Variants in IFT56 observed in about 807,000 individuals in gnomAD.
The protein encoded by IFT56 is intraflagellar transport protein 56.
chr7:139,139,913 G>C, the IFT56 span: 1 of 1,611,738 alleles, frequency 6.2e-7, no homozygotes, highest in South Asian at 1.1e-5. Flanking sequence ...CTACAAAAGA[G>C]GAAAATTGTA....
At chr7:139,164,523 T>C in the IFT56 span, among the ~76,000 whole-genome samples, 6 of 152,352 alleles carry the variant, frequency 3.9e-5, no homozygotes, top group South Asian at 1.0e-3. Flanking sequence ...TAACTCTTTT[T>C]AATTTAAATG....
chr7:139,152,280 C>T, the IFT56 span, among the ~76,000 whole-genome samples: 1 of 152,182 alleles, frequency 6.6e-6, no homozygotes, highest in Non-Finnish European at 1.5e-5. Flanking sequence ...ACATGCGCCA[C>T]TGTGCCTGGC....
the IFT56 span, among the ~76,000 whole-genome samples, chr7:139,141,584 G>A: frequency 6.6e-6 from 1 of 152,144 alleles, no homozygotes; most frequent in Non-Finnish European, 1.5e-5. Context: ...AGGTGATTGT[G>A]GTAGCTATCT....
the IFT56 span, among the ~76,000 whole-genome samples, chr7:139,147,905 T>C: frequency 3.7e-4 from 56 of 152,358 alleles, no homozygotes; most frequent in African/African-American, 1.3e-3. Flanking sequence ...ATGTGTCTTG[T>C]CTGTTGGTCT....
chr7:139,148,479 A>G, the IFT56 span: 1 of 1,100,490 alleles, frequency 9.1e-7, no homozygotes, highest in South Asian at 1.6e-5. Flanking sequence ...CTCTTGATTA[A>G]TATCCCTTTA....
chr7:139,176,764 T>TTTCA, the IFT56 span, among the ~76,000 whole-genome samples: 2 of 152,176 alleles, frequency 1.3e-5, no homozygotes, highest in African/African-American at 2.4e-5. Flanking sequence ...ATTTTCCCCA[T>TTTCA]TTCATTCATT....
chr7:139,172,427 A>G, the IFT56 span: 1 of 374,624 alleles, frequency 2.7e-6, no homozygotes, highest in Non-Finnish European at 5.1e-6. Context: ...GCTCTGGGTA[A>G]AGACCCACTA....
the IFT56 span, chr7:139,173,470 C>G: frequency 2.3e-5 from 15 of 656,972 alleles, no homozygotes; most frequent in African/African-American, 9.0e-5. Flanking sequence ...CTCAGGTGAT[C>G]CACTCACCTC....
chr7:139,189,285 A>T, the IFT56 span: 1 of 1,454,326 alleles, frequency 6.9e-7, no homozygotes, highest in Middle Eastern at 1.8e-4. Flanking sequence ...TTCATTCTTC[A>T]TTGAAACACT....
the IFT56 span, among the ~76,000 whole-genome samples, chr7:139,150,734 A>G: frequency 5.5e-3 from 836 of 152,342 alleles, 10 homozygotes; most frequent in African/African-American, 0.019. Context: ...TGTCTCACAA[A>G]CACCAATAGC....
chr7:139,190,273 T>G, the IFT56 span: 1 of 152,280 alleles, frequency 6.6e-6, no homozygotes, highest in Non-Finnish European at 1.5e-5. Flanking sequence ...TGAGACGGAG[T>G]CTCGCTCTGT....
At chr7:139,134,711 A>G in the IFT56 span, 22 of 1,614,134 alleles carry the variant, frequency 1.4e-5, no homozygotes, top group South Asian at 8.8e-5. Context: ...CTGACAAAAG[A>G]AAGAAGAAAG....
At chr7:139,163,896 G>C in the IFT56 span, among the ~76,000 whole-genome samples, 1 of 152,210 alleles carries the variant, frequency 6.6e-6, no homozygotes, top group Non-Finnish European at 1.5e-5. Flanking sequence ...AGATTTTGTA[G>C]TTCATGCTGG....
the IFT56 span, chr7:139,172,969 G>T: frequency 2.7e-6 from 2 of 728,074 alleles, no homozygotes; most frequent in South Asian, 2.7e-5. Context: ...CTGGCGCTTG[G>T]GCTGAGGTGA....
At chr7:139,172,706 C>T in the IFT56 span, 78 of 623,400 alleles carry the variant, frequency 1.3e-4, no homozygotes, top group Admixed American at 7.7e-4. Context: ...TACAAACAAT[C>T]GCAGCAAATG....
chr7:139,158,535 G>A, the IFT56 span, among the ~76,000 whole-genome samples: 4 of 152,104 alleles, frequency 2.6e-5, no homozygotes, highest in Non-Finnish European at 4.4e-5. Context: ...TTGAAGTATA[G>A]CATGTTGTAT....
At chr7:139,179,452 C>A in the IFT56 span, 1 of 680,694 alleles carries the variant, frequency 1.5e-6, no homozygotes, top group Non-Finnish European at 2.6e-6. Flanking sequence ...TTCTTAGCAG[C>A]CTGTATAGAA....
the IFT56 span, among the ~76,000 whole-genome samples, chr7:139,183,677 A>T: frequency 6.7e-6 from 1 of 148,962 alleles, no homozygotes. Context: ...TAAAAGGATA[A>T]AAAAAAAAAA....
At chr7:139,172,873 A>G in the IFT56 span, 1 of 688,774 alleles carries the variant, frequency 1.5e-6, no homozygotes, top group Non-Finnish European at 2.8e-6. Context: ...AGTCAGAGGA[A>G]TAGGTGAAGA....
Sources: gnomAD v4.1 joint callset for allele counts (sites outside exome capture counted in the v4.1 genomes callset) on GRCh38, gnomAD v4.1.1 for gene constraint, MANE v1.5 for transcripts, NCBI Gene and HGNC (gene_info 2026-07-23, HGNC 2026-07-21) for gene names.